Variants in SLC35D2 observed in about 807,000 individuals in gnomAD.
SLC35D2 encodes solute carrier family 35 member D2, also known as nucleotide sugar transporter SLC35D2.
In SLC35D2, 43 loss-of-function variants were observed where a neutral mutation model predicts 41.8. The observed-to-expected ratio is 1.03, with a 90% confidence interval of 0.81 to 1.33. The LOEUF (loss-of-function observed/expected upper bound fraction) is 1.33, where lower values mean the gene tolerates loss of function less well. Ranked by LOEUF, SLC35D2 falls within the 40% of genes most tolerant of loss-of-function variation. The probability of loss-of-function intolerance (pLI) is 0.00; values close to 1 mark genes in which losing one functional copy is unlikely to be tolerated. For synonymous variants in SLC35D2, 150 were observed against 163.9 expected, an observed-to-expected ratio of 0.92 and a Z score of 0.65; for missense variants, 380 against 408.4, an observed-to-expected ratio of 0.93 and a Z score of 0.60.
chr9:96,327,430 A>T (rs1828587972), intron 9 of SLC35D2, among the ~76,000 whole-genome samples: 1 of 152,036 alleles, frequency 6.6e-6, no homozygotes, highest in Admixed American at 6.6e-5. Context: ...ATCAGAAGAC[A>T]TCATGGATCT....
intron 6 of SLC35D2, 180 bp downstream of exon 6, chr9:96,350,923 A>G (rs924874129): frequency 9.7e-6 from 5 of 516,354 alleles, no homozygotes; most frequent in African/African-American, 9.5e-5. Flanking sequence ...TTTCTGGCCA[A>G]TGTGGGACCC....
intron 6 of SLC35D2, among the ~76,000 whole-genome samples, chr9:96,346,115 C>T (rs1442840424): frequency 1.3e-5 from 2 of 152,124 alleles, no homozygotes; most frequent in African/African-American, 4.8e-5. Flanking sequence ...ATACACATTG[C>T]CAGGGAGGAA....
At chr9:96,322,305 G>A (rs1440926343) in intron 10 of SLC35D2, among the ~76,000 whole-genome samples, 2 of 152,148 alleles carry the variant, frequency 1.3e-5, no homozygotes, top group South Asian at 2.1e-4. Flanking sequence ...GATCACTTGA[G>A]CCCAGGAGTT....
intron 8 of SLC35D2, among the ~76,000 whole-genome samples, chr9:96,339,372 G>C (rs893667176): frequency 3.9e-5 from 6 of 152,144 alleles, no homozygotes; most frequent in Non-Finnish European, 8.8e-5. Flanking sequence ...ACCTCCCAAA[G>C]AGCCGGGATT....
chr9:96,346,047 G>A (rs1242807271), intron 6 of SLC35D2, among the ~76,000 whole-genome samples: 4 of 152,180 alleles, frequency 2.6e-5, no homozygotes, highest in Non-Finnish European at 4.4e-5. Context: ...CCATGATGTG[G>A]CCCACCCACC....
In SLC35D2 at chr9:96,324,936, T is replaced by C. The variant is rs182461689; in HGVS notation, c.753-767A>G. Among the ~76,000 whole-genome samples, 236 of 152,260 alleles carry C rather than the reference T, an allele frequency of 1.5e-3. 10 individuals carry two copies. The South Asian group carries it at 0.028, about 18-fold the overall frequency. The stretch of plus-strand genomic sequence containing the variant: ...ATGGTTTGAGGTGGGGCCCCGACCG[T>C]GCACGATATGAAAGATCCTCAGGTG... On this transcript the variant is annotated intron_variant, in intron 9 of 11. Coordinates refer to ENST00000253270, the MANE Select transcript of SLC35D2 (RefSeq NM_007001.3).
chr9:96,366,481 T>A (rs566446364), intron 2 of SLC35D2, among the ~76,000 whole-genome samples: 1 of 151,914 alleles, frequency 6.6e-6, no homozygotes. Flanking sequence ...AATGAATTTA[T>A]TTCACTTAGA....
intron 4 of SLC35D2, among the ~76,000 whole-genome samples, chr9:96,353,344 A>ATTAT (rs71308273): frequency 0.17 from 25,856 of 149,472 alleles, 2,552 homozygotes; most frequent in African/African-American, 0.27. Context: ...GCTGCAAAGG[A>ATTAT]TTATTTATTT....
In SLC35D2 at chr9:96,376,326, G is replaced by A. The variant is rs1218138099; in HGVS notation, c.158+7151C>T. On this transcript the variant is annotated intron_variant, in intron 1 of 11. Coordinates refer to ENST00000253270, the MANE Select transcript of SLC35D2 (RefSeq NM_007001.3). Reference sequence around the variant, plus strand: ...AAAAAAAAAAAAAATACAAAAACTGGCTGGGCGCAGTGGCTCACGCCTGTA... The same window carrying A: ...AAAAAAAAAAAAAATACAAAAACTGACTGGGCGCAGTGGCTCACGCCTGTA... Among the ~76,000 whole-genome samples the A allele has an allele frequency of 4.0e-5, 6 of 150,094 alleles. No homozygotes were observed. The East Asian group carries it at 1.2e-3, about 30-fold the overall frequency.
At chr9:96,327,768 C>T (rs1051149653) in intron 9 of SLC35D2, among the ~76,000 whole-genome samples, 17 of 151,740 alleles carry the variant, frequency 1.1e-4, no homozygotes, top group African/African-American at 4.1e-4. Flanking sequence ...ACTACAGGTA[C>T]ACATCACTAA....
chr9:96,362,609 G>C (rs1392330708), intron 3 of SLC35D2, among the ~76,000 whole-genome samples: 2 of 152,088 alleles, frequency 1.3e-5, no homozygotes. Flanking sequence ...AGTGGGTAAG[G>C]AAGACTTTGT....
chr9:96,345,667 A>G (rs769936816), intron 6 of SLC35D2, among the ~76,000 whole-genome samples: 4 of 152,210 alleles, frequency 2.6e-5, no homozygotes, highest in Non-Finnish European at 5.9e-5. Flanking sequence ...TTCTTTCGCT[A>G]GCTGATGAAT....
In SLC35D2 at chr9:96,343,941, G is replaced by A. The variant is rs781736772; in HGVS notation, c.647C>T (p.Thr216Ile). 6.3e-7 allele frequency: 1 copy of A among 1,599,384 alleles called. No individual in the cohort carries two copies. Among genetic ancestry groups the A allele is most frequent in the Non-Finnish European group, 8.5e-7 (1 of 1,174,324 alleles). Residue 216 changes from threonine to isoleucine, a missense_variant, in exon 8 of 12, where the codon ACT (threonine) becomes ATT (isoleucine). By Grantham distance (89) the Thr-to-Ile change is moderately conservative. Transcript: ENST00000253270. ...FYNACFMIIPTLIISVSTGDL... is the reference protein window; with the variant it reads ...FYNACFMIIPILIISVSTGDL... ...TCCAGTGGAGACACTAATAATAAGA[G>A]TTGGGATAATCATGAAGCAGGCATT...
intron 6 of SLC35D2, among the ~76,000 whole-genome samples, chr9:96,347,827 T>C (rs1829644394): frequency 6.6e-6 from 1 of 152,118 alleles, no homozygotes; most frequent in Admixed American, 6.5e-5. Flanking sequence ...CAAAACCCAC[T>C]GAAACTAAAA....
chr9:96,336,810 T>C (rs1412161404), intron 8 of SLC35D2, 26 bp from the exon 9 acceptor site: 1 of 1,343,014 alleles, frequency 7.4e-7, no homozygotes. Context: ...AAAAAACTAA[T>C]GATTAGGTTA....
downstream of SLC35D2, among the ~76,000 whole-genome samples, chr9:96,318,027 C>T (rs575182898): frequency 4.1e-4 from 47 of 113,776 alleles, no homozygotes; most frequent in African/African-American, 1.8e-3. Context: ...CAGAGCAAGA[C>T]GTTGTCTCAA....
intron 8 of SLC35D2, 118 bp from the exon 9 acceptor site, chr9:96,336,902 G>T: frequency 1.6e-6 from 1 of 632,352 alleles, no homozygotes. Flanking sequence ...AAAACATAAA[G>T]CTAAAAATCC....
At chr9:96,350,961 G>A (rs1371685049) in intron 6 of SLC35D2, 142 bp downstream of exon 6, 1 of 620,936 alleles carries the variant, frequency 1.6e-6, no homozygotes, top group Non-Finnish European at 2.9e-6. Context: ...AACACATGGG[G>A]ATTCCACTAA....
chr9:96,315,496 C>T (rs559407700), intron 11 of SLC35D2, among the ~76,000 whole-genome samples: 52 of 149,638 alleles, frequency 3.5e-4, no homozygotes, highest in South Asian at 6.3e-4. Context: ...TGCAGTGGCG[C>T]GATCTCAGCT....
Sources: allele counts gnomAD v4.1 joint callset (sites outside exome capture counted in the v4.1 genomes callset), GRCh38; gene constraint gnomAD v4.1.1; transcripts MANE v1.5; gene names NCBI Gene and HGNC (gene_info 2026-07-23, HGNC 2026-07-21).